Variants in HGF observed in about 807,000 individuals in gnomAD.
The protein encoded by HGF is fibroblast-derived tumor cytotoxic factor.
Under a neutral mutation model 111.6 loss-of-function variants are expected in HGF, and 39 were observed. The observed-to-expected ratio is 0.35, with a 90% confidence interval of 0.27 to 0.46. The LOEUF (loss-of-function observed/expected upper bound fraction) is 0.46, where lower values mean the gene tolerates loss of function less well. HGF is among the 20% of genes least tolerant of loss of function. The pLI is 1.00. For missense variants in HGF, 735 were observed against 910.5 expected (o/e 0.81, Z 2.48); for synonymous variants, 285 against 294.8 (o/e 0.97, Z 0.34).
At chr7:81,768,051 C>G (rs1298413100) in intron 1 of HGF, among the ~76,000 whole-genome samples, 1 of 152,206 alleles carries the variant, frequency 6.6e-6, no homozygotes, top group Non-Finnish European at 1.5e-5. Context: ...CTCTCCTTGC[C>G]TGCCAGCACT....
chr7:81,707,343 T>G lies in HGF; in HGVS notation c.1563A>C (p.Gly521=). ...LRYRNKHICG[G]SLIKESWVLT... is the part of the protein sequence containing the mutation. ...GAACCCAACTCTCCTTTATCAATGA[T>G]CCTCCGCAGATATGTTTATTTCTGT... The change falls in exon 14 of 18, where the codon GGA becomes GGC. Residue 521 remains glycine, a synonymous_variant. Transcript: ENST00000222390. 6.3e-7 allele frequency: 1 copy of G among 1,597,862 alleles called. No homozygotes were observed. Among genetic ancestry groups the G allele is most frequent in the Non-Finnish European group, 8.6e-7 (1 of 1,165,910 alleles).
At chr7:81,726,548 A>G (rs1790017618) in intron 8 of HGF, among the ~76,000 whole-genome samples, 1 of 152,178 alleles carries the variant, frequency 6.6e-6, no homozygotes, top group South Asian at 2.1e-4. Flanking sequence ...TCTTTGATTT[A>G]TTTAATTTGA....
chr7:81,757,351 C>G (rs1478937601), intron 3 of HGF, 48 bp from the exon 4 acceptor site: 1 of 987,774 alleles, frequency 1.0e-6, no homozygotes, highest in Admixed American at 1.7e-5. Flanking sequence ...AAAACATATG[C>G]AGTATTTAAG....
chr7:81,738,434 C>T (rs565349949), intron 7 of HGF, among the ~76,000 whole-genome samples: 34 of 152,168 alleles, frequency 2.2e-4, no homozygotes, highest in Non-Finnish European at 3.2e-4. Context: ...GTGCCCAAAA[C>T]GCTGTTAAAA....
Position 81,747,263 on chromosome 7 carries a change from C to T in HGF, c.626-2143G>A, listed in dbSNP as rs192871441. On this transcript the variant is annotated intron_variant, in intron 5 of 17. Transcript: ENST00000222390. ...CTGATGCAGGAGAATGGCGTGAACC[C>T]GGGAGATGGAGCTTGCAGTGAGCCG... Among the ~76,000 whole-genome samples the T allele has an allele frequency of 2.0e-3, 306 of 152,164 alleles. 2 individuals are homozygous for T. The highest frequency in any genetic ancestry group is 6.9e-3 in the African/African-American group (287 of 41,512).
chr7:81,730,938 C>T (rs781679841), intron 7 of HGF, among the ~76,000 whole-genome samples: 13 of 152,114 alleles, frequency 8.5e-5, no homozygotes, highest in South Asian at 4.2e-4. Flanking sequence ...TACCACTGTA[C>T]GAAGGACAGG....
chr7:81,752,818 A>AT (rs527895015), intron 4 of HGF, among the ~76,000 whole-genome samples: 74 of 152,148 alleles, frequency 4.9e-4, no homozygotes, highest in African/African-American at 1.6e-3. Context: ...TTACTGTGAG[A>AT]CCCCAGTAAG....
intron 7 of HGF, among the ~76,000 whole-genome samples, chr7:81,741,376 C>A (rs1787994635): frequency 6.6e-6 from 1 of 152,106 alleles, no homozygotes; most frequent in South Asian, 2.1e-4. Context: ...AACTAGCCAG[C>A]TCCTTTTTGG....
chr7:81,722,854 T>TATATATATATATACAC (rs1256240012), intron 9 of HGF, among the ~76,000 whole-genome samples: 1 of 145,664 alleles, frequency 6.9e-6, no homozygotes, highest in African/African-American at 2.6e-5. Flanking sequence ...GGTATATATA[T>TATATATATATATACAC]ATATATATGT....
In HGF at chr7:81,710,176, G is replaced by A. The variant is rs1039777914; in HGVS notation, c.1512C>T (p.Asn504=). The A allele has an allele frequency of 4.3e-6, 7 of 1,612,012 alleles. No homozygotes were observed. The African/African-American group carries it at 6.7e-5, about 15-fold the overall frequency. ...ATCTCAAACTAACCATCCATCCTAT[G>A]TTTGTTCGTGTTGGAATCCCATTTA... ...RVVNGIPTRT[N]IGWMVSLRYR... Residue 504 remains asparagine, a synonymous_variant, in exon 13 of 18, where the codon AAC becomes AAT. Transcript: ENST00000222390.
intron 5 of HGF, among the ~76,000 whole-genome samples, chr7:81,750,672 CCAGG>C (rs1037017719): frequency 6.6e-5 from 10 of 152,060 alleles, no homozygotes; most frequent in African/African-American, 1.9e-4. Flanking sequence ...CTCACAAGAA[CCAGG>C]CAGGTAACGA....
chr7:81,746,597 A>G (rs1045472910), intron 5 of HGF, among the ~76,000 whole-genome samples: 2 of 152,180 alleles, frequency 1.3e-5, no homozygotes, highest in African/African-American at 2.4e-5. Flanking sequence ...CACACATAAA[A>G]GATAAGTATT....
chr7:81,713,475 G>A (rs558436548), intron 11 of HGF, among the ~76,000 whole-genome samples: 16 of 149,808 alleles, frequency 1.1e-4, no homozygotes, highest in East Asian at 3.9e-4. Context: ...GCAGTGAGCC[G>A]AAATTGCTCC....
chr7:81,743,803 A>T (rs964236619), intron 6 of HGF, among the ~76,000 whole-genome samples: 3 of 152,200 alleles, frequency 2.0e-5, no homozygotes, highest in African/African-American at 7.2e-5. Context: ...ATGCTCATTA[A>T]GAAAACAGGT....
chr7:81,705,513 T>C lies in HGF; in HGVS notation c.1887A>G (p.Leu629=), dbSNP rs2115762025. 6.2e-7 allele frequency: 1 copy of C among 1,612,706 alleles called. No homozygotes were observed. ...CCATTATATAGAGATGTGCCACTCG[T>C]AATAGGCCATCATAGTTGATCACTA... The part of the protein sequence containing the change: ...YTGLINYDGL[L]RVAHLYIMGN... Residue 629 remains leucine, a synonymous_variant, in exon 17 of 18, where the codon TTA becomes TTG. Coordinates refer to ENST00000222390, the MANE Select transcript of HGF (RefSeq NM_000601.6).
chr7:81,713,860 CT>C (rs1335975074), intron 11 of HGF, among the ~76,000 whole-genome samples: 1 of 152,110 alleles, frequency 6.6e-6, no homozygotes, highest in African/African-American at 2.4e-5. Context: ...TACCACACTA[CT>C]TTCAGACTCA....
chr7:81,733,709 A>G (rs948728346), intron 7 of HGF, among the ~76,000 whole-genome samples: 4 of 152,190 alleles, frequency 2.6e-5, no homozygotes, highest in African/African-American at 9.6e-5. Flanking sequence ...AATAGTTTTC[A>G]TCAATAAATA....
chr7:81,703,626 T>C (rs947746371), intron 17 of HGF, among the ~76,000 whole-genome samples: 2 of 151,210 alleles, frequency 1.3e-5, no homozygotes, highest in Non-Finnish European at 3.0e-5. Flanking sequence ...TAGTGTTATA[T>C]GTAACAACTA....
chr7:81,744,302 GATTT>G lies in HGF; in HGVS notation c.746+694_746+697del, dbSNP rs1375036718. On this transcript the variant is annotated intron_variant, in intron 6 of 17. Transcript: ENST00000222390. ...AAAATACATGGGCAAAAGTAGACAT[GATTT>G]TTTTTTTTTTTTTGGCGGAGATGGG... Among the ~76,000 whole-genome samples the G allele has an allele frequency of 5.8e-3, 388 of 66,956 alleles. 2 individuals are homozygous for G. Among genetic ancestry groups the G allele is most frequent in the African/African-American group, 0.023 (361 of 15,420 alleles). 43.9% of individuals were successfully genotyped at this position (66,956 alleles called of 152,430 possible).
Sources: gnomAD v4.1 joint callset for allele counts (sites outside exome capture counted in the v4.1 genomes callset) on GRCh38, gnomAD v4.1.1 for gene constraint, MANE v1.5 for transcripts, NCBI Gene and HGNC (gene_info 2026-07-23, HGNC 2026-07-21) for gene names.